Variants in PITPNC1 observed in about 807,000 individuals in gnomAD.
PITPNC1 encodes cytoplasmic phosphatidylinositol transfer protein 1.
A neutral mutation model predicts 44.7 loss-of-function variants in PITPNC1; 18 were observed. That is an observed-to-expected ratio of 0.40 (90% CI 0.28 to 0.60). The LOEUF (loss-of-function observed/expected upper bound fraction) is 0.60. PITPNC1 is among the 20% of genes least tolerant of loss of function. The probability of loss-of-function intolerance (pLI) is 0.39; values close to 1 mark genes in which losing one functional copy is unlikely to be tolerated. For synonymous variants in PITPNC1, 141 were observed against 149.6 expected (o/e 0.94, Z 0.42); for missense variants, 290 against 418.4 (o/e 0.69, Z 2.68).
intron 1 of PITPNC1, among the ~76,000 whole-genome samples, chr17:67,411,481 G>C (rs1053252247): frequency 6.6e-6 from 1 of 152,136 alleles, no homozygotes; most frequent in African/African-American, 2.4e-5. Flanking sequence ...AAGCATGTTG[G>C]AAAGTGCTCC....
rs190691340 is a variant in PITPNC1, at chr17:67,546,313, A to G, written c.198-5944A>G. On this transcript the variant is annotated intron_variant, in intron 2 of 8. Transcript: ENST00000581322. Reference sequence around the variant, plus strand: ...TATATATGTATATATATATATATATATATTTAGAAGGTGATAAGTGTTATG... The same window carrying G: ...TATATATGTATATATATATATATATGTATTTAGAAGGTGATAAGTGTTATG... 2.9e-3 allele frequency among the ~76,000 whole-genome samples: 359 copies of G among 125,536 alleles called. 1 individual carries two copies. The highest frequency in any genetic ancestry group is 9.9e-3 in the African/African-American group (348 of 35,120). 82.4% of individuals were successfully genotyped at this position (125,536 alleles called of 152,430 possible).
intron 1 of PITPNC1, among the ~76,000 whole-genome samples, chr17:67,497,223 C>CT (rs1195584947): frequency 0.027 from 3,823 of 143,046 alleles, 71 homozygotes; most frequent in African/African-American, 0.061. Flanking sequence ...TATAAACCTC[C>CT]TTTTTTTTTT....
intron 1 of PITPNC1, among the ~76,000 whole-genome samples, chr17:67,484,937 CA>C (rs947061110): frequency 4.1e-5 from 6 of 146,852 alleles, no homozygotes; most frequent in African/African-American, 1.5e-4. Flanking sequence ...GACTCCATCT[CA>C]AAAAAAAAAC....
At chr17:67,428,910 G>A (rs1381594607) in intron 1 of PITPNC1, among the ~76,000 whole-genome samples, 2 of 131,892 alleles carry the variant, frequency 1.5e-5, no homozygotes, top group African/African-American at 2.9e-5. Context: ...GTGTGATCTC[G>A]GCTCACTGCA....
At chr17:67,628,176 T>A (rs2041918581) in intron 5 of PITPNC1, among the ~76,000 whole-genome samples, 1 of 152,112 alleles carries the variant, frequency 6.6e-6, no homozygotes, top group Non-Finnish European at 1.5e-5. Flanking sequence ...GTGCTGGGAT[T>A]ACAGGTGTAA....
At chr17:67,494,633 T>TCCCAGAGTGCCAAAAGGA (rs1385125000) in intron 1 of PITPNC1, among the ~76,000 whole-genome samples, 1 of 152,054 alleles carries the variant, frequency 6.6e-6, no homozygotes, top group Non-Finnish European at 1.5e-5. Context: ...ATAGTACAGG[T>TCCCAGAGTGCCAAAAGGA]CCCAGAGTGC....
At position 67,532,854 on chromosome 17, in the gene PITPNC1, A is replaced by T; in HGVS notation, c.101A>T (p.Asp34Val). 6.3e-7 allele frequency: 1 copy of T among 1,593,972 alleles called. No homozygotes were observed. The highest frequency in any genetic ancestry group is 2.3e-5 in the East Asian group (1 of 44,090). The change falls in exon 2 of 9, where the codon GAC (aspartate) becomes GTC (valine). Residue 34 changes from aspartate (D) to valine (V), a missense_variant. Asp to Val is a radical substitution (Grantham distance 152, BLOSUM62 -3). Coordinates refer to ENST00000581322, the MANE Select transcript of PITPNC1 (RefSeq NM_012417.4). The part of the protein sequence containing the change: ...MISKHSHEQS[D>V]RGEGVEVVQN... ...AGCAAACACAGCCATGAACAGAGTGACCGGGGAGAAGGGGTGGAGGTCGTC... is the reference window on the plus strand; with the variant it reads ...AGCAAACACAGCCATGAACAGAGTGTCCGGGGAGAAGGGGTGGAGGTCGTC...
chr17:67,573,687 C>T (rs138533571), intron 4 of PITPNC1, among the ~76,000 whole-genome samples: 4 of 151,596 alleles, frequency 2.6e-5, no homozygotes, highest in African/African-American at 4.8e-5. Context: ...CTCAGCCTCC[C>T]GAGTAGCTGG....
chr17:67,385,844 C>G (rs1346526161), intron 1 of PITPNC1, among the ~76,000 whole-genome samples: 1 of 152,086 alleles, frequency 6.6e-6, no homozygotes, highest in Non-Finnish European at 1.5e-5. Flanking sequence ...GGAGCAGATG[C>G]TGTCCTCCTG....
At chr17:67,648,840 T>TAC (rs567049008) in intron 6 of PITPNC1, among the ~76,000 whole-genome samples, 41 of 152,084 alleles carry the variant, frequency 2.7e-4, no homozygotes, top group Non-Finnish European at 4.7e-4. Flanking sequence ...GAGAATCAAC[T>TAC]ACAGTAGCTG....
chr17:67,570,259 TCA>T (rs1423407981), intron 4 of PITPNC1, among the ~76,000 whole-genome samples: 1 of 152,132 alleles, frequency 6.6e-6, no homozygotes, highest in Non-Finnish European at 1.5e-5. Context: ...AAGGGAAAGC[TCA>T]GAGAAGAGGC....
chr17:67,558,374 G>A (rs906991950), intron 4 of PITPNC1, among the ~76,000 whole-genome samples: 1 of 152,090 alleles, frequency 6.6e-6, no homozygotes, highest in African/African-American at 2.4e-5. Context: ...TTCCAAACTG[G>A]TGGGTTCTTC....
intron 1 of PITPNC1, among the ~76,000 whole-genome samples, chr17:67,454,319 C>T (rs1445129146): frequency 4.0e-5 from 6 of 151,658 alleles, no homozygotes; most frequent in Non-Finnish European, 8.8e-5. Context: ...TGAATTCCAG[C>T]TCAACAACTT....
At position 67,447,089 on chromosome 17, in the gene PITPNC1, CAAAAA is replaced by C. The variant is rs749024248; in HGVS notation, c.48+68910_48+68914del. Among the ~76,000 whole-genome samples the C allele has an allele frequency of 2.3e-4, 8 of 35,344 alleles. No individual in the cohort carries two copies. In the Admixed American group the frequency reaches 3.7e-3, roughly 17 times the overall value. 23.2% of individuals were successfully genotyped at this position (35,344 alleles called of 152,430 possible). A position where few individuals can be genotyped will look rare whatever the true frequency, so the allele number is the denominator to read the frequency against. ...TGGGCCATAGAGTGAGACTCTGTCTCAAAAAAAAAAAAAAAAAAAAAAAAAAAGAA... is the reference window on the plus strand; with the variant it reads ...TGGGCCATAGAGTGAGACTCTGTCTCAAAAAAAAAAAAAAAAAAAAAAGAA... On this transcript the variant is annotated intron_variant, in intron 1 of 8. Coordinates refer to ENST00000581322, the MANE Select transcript of PITPNC1 (RefSeq NM_012417.4).
At chr17:67,600,288 C>A (rs1476062245) in intron 5 of PITPNC1, among the ~76,000 whole-genome samples, 1 of 152,068 alleles carries the variant, frequency 6.6e-6, no homozygotes, top group Non-Finnish European at 1.5e-5. Context: ...AACAACAAAG[C>A]CTCCCACTCA....
chr17:67,646,085 AT>A (rs2042145855), intron 6 of PITPNC1, among the ~76,000 whole-genome samples: 1 of 152,092 alleles, frequency 6.6e-6, no homozygotes, highest in African/African-American at 2.4e-5. Context: ...AGATCGTACC[AT>A]TTGTACTCCA....
chr17:67,606,298 A>G (rs1047936186), intron 5 of PITPNC1, among the ~76,000 whole-genome samples: 4 of 152,250 alleles, frequency 2.6e-5, no homozygotes, highest in African/African-American at 9.6e-5. Context: ...ACCTTGGGGA[A>G]AAGCATCTTT....
chr17:67,475,897 T>C (rs1306020465), intron 1 of PITPNC1, among the ~76,000 whole-genome samples: 1 of 152,106 alleles, frequency 6.6e-6, no homozygotes, highest in Non-Finnish European at 1.5e-5. Flanking sequence ...CATTGGGCTG[T>C]GGGAAGTTAA....
chr17:67,617,620 G>A (rs1352850431), intron 5 of PITPNC1, among the ~76,000 whole-genome samples: 1 of 152,164 alleles, frequency 6.6e-6, no homozygotes, highest in Non-Finnish European at 1.5e-5. Context: ...TTGCAGTTCT[G>A]GAGGCCAGAA....
Sources: gnomAD v4.1 joint callset for allele counts (sites outside exome capture counted in the v4.1 genomes callset) on GRCh38, gnomAD v4.1.1 for gene constraint, MANE v1.5 for transcripts, NCBI Gene and HGNC (gene_info 2026-07-23, HGNC 2026-07-21) for gene names.